Variants in SMURF2 observed in about 807,000 individuals in gnomAD.
The protein encoded by SMURF2 is SMAD specific E3 ubiquitin protein ligase 2.
SMURF2 carries 48 observed loss-of-function variants against 109.6 expected under a neutral mutation model. That is an observed-to-expected ratio of 0.44 (90% CI 0.35 to 0.56). The LOEUF (loss-of-function observed/expected upper bound fraction) is 0.56. Ranked by LOEUF, SMURF2 falls within the 20% of genes least tolerant of loss-of-function variation. The probability of loss-of-function intolerance (pLI) is 0.01; values close to 1 mark genes in which losing one functional copy is unlikely to be tolerated. For missense variants in SMURF2, 575 were observed against 909.0 expected (o/e 0.63, Z 4.72); for synonymous variants, 288 against 317.1 (o/e 0.91, Z 0.97).
intron 13 of SMURF2, among the ~76,000 whole-genome samples, chr17:64,556,270 G>A (rs563756627): frequency 1.6e-4 from 25 of 152,024 alleles, no homozygotes; most frequent in South Asian, 4.2e-4. Flanking sequence ...CTATGGTCCC[G>A]GAGCTTCATT....
At chr17:64,585,964 GGAAAATCTACATTC>G (rs1555687028) in intron 6 of SMURF2, 108 bp downstream of exon 6, 1 of 519,214 alleles carries the variant, frequency 1.9e-6, no homozygotes, top group Non-Finnish European at 3.1e-6. Flanking sequence ...ACAATTAGAA[GGAAAATCTACATTC>G]AATATACGAT....
At chr17:64,649,617 G>A (rs924191087) in intron 1 of SMURF2, among the ~76,000 whole-genome samples, 4 of 148,958 alleles carry the variant, frequency 2.7e-5, no homozygotes, top group South Asian at 2.1e-4. Flanking sequence ...TGCAACGGGC[G>A]TATCACTTAA....
chr17:64,584,675 C>T (rs140457334), intron 6 of SMURF2, among the ~76,000 whole-genome samples: 2 of 152,190 alleles, frequency 1.3e-5, no homozygotes, highest in African/African-American at 4.8e-5. Flanking sequence ...TACTTTCTAT[C>T]AACTCTTTAC....
chr17:64,615,298 T>C (rs1264794185), intron 1 of SMURF2, among the ~76,000 whole-genome samples: 1 of 152,168 alleles, frequency 6.6e-6, no homozygotes, highest in African/African-American at 2.4e-5. Flanking sequence ...CCCATCTTCC[T>C]TCACCCCACA....
chr17:64,574,756 C>T (rs538022354), intron 9 of SMURF2, among the ~76,000 whole-genome samples: 88 of 152,116 alleles, frequency 5.8e-4, no homozygotes, highest in Non-Finnish European at 1.1e-3. Context: ...CTTAAAGCTT[C>T]GCAGAAATCC....
At chr17:64,595,156 A>C (rs1969801020) in intron 3 of SMURF2, among the ~76,000 whole-genome samples, 1 of 152,210 alleles carries the variant, frequency 6.6e-6, no homozygotes, top group Non-Finnish European at 1.5e-5. Flanking sequence ...TTTTATGTGT[A>C]CCATGATATG....
chr17:64,580,657 G>A (rs1231380377), intron 8 of SMURF2, 132 bp downstream of exon 8: 1 of 884,814 alleles, frequency 1.1e-6, no homozygotes, highest in East Asian at 2.6e-5. Context: ...TCAAAGTTGG[G>A]AGGTTTTATA....
chr17:64,601,037 C>A (rs1969887856), intron 2 of SMURF2, among the ~76,000 whole-genome samples: 1 of 151,890 alleles, frequency 6.6e-6, no homozygotes, highest in South Asian at 2.1e-4. Flanking sequence ...TCACTTGAGC[C>A]CAGGAGTTTG....
At chr17:64,622,922 C>A (rs1335211417) in intron 1 of SMURF2, among the ~76,000 whole-genome samples, 1 of 152,160 alleles carries the variant, frequency 6.6e-6, no homozygotes, top group Non-Finnish European at 1.5e-5. Flanking sequence ...CCTATCTAAT[C>A]ATTTATATCA....
intron 7 of SMURF2, among the ~76,000 whole-genome samples, chr17:64,582,659 C>T (rs992131576): frequency 2.6e-5 from 4 of 152,274 alleles, no homozygotes; most frequent in South Asian, 4.1e-4. Flanking sequence ...AGTGCAGTGG[C>T]GCAATCTCGG....
rs145816722 is a variant in SMURF2 at position 64,603,578 on chromosome 17, C to CAG, written c.91+3023_91+3024insCT. On this transcript the variant is annotated intron_variant, in intron 2 of 18. Coordinates refer to ENST00000262435, the MANE Select transcript of SMURF2 (RefSeq NM_022739.4). ...GCCGGGGGACAGAGCAAGACTCCGT[C>CAG]GGGGGAAAAAAAAAAAAAAAAACAT... 8.6e-3 allele frequency among the ~76,000 whole-genome samples: 1,033 copies of CAG among 120,704 alleles called. 8 individuals carry two copies. Among genetic ancestry groups the CAG allele is most frequent in the African/African-American group, 0.029 (988 of 33,546 alleles). 79.2% of individuals were successfully genotyped at this position (120,704 alleles called of 152,430 possible). A position where few individuals can be genotyped will look rare whatever the true frequency, so the allele number is the denominator to read the frequency against.
chr17:64,652,057 T>C (rs552568715), intron 1 of SMURF2, among the ~76,000 whole-genome samples: 1 of 152,352 alleles, frequency 6.6e-6, no homozygotes. Context: ...ACATGACTGA[T>C]AGCTGGTAAA....
At chr17:64,660,772 CA>C (rs1459470032) in intron 1 of SMURF2, 1 of 152,166 alleles carries the variant, frequency 6.6e-6, no homozygotes, top group Non-Finnish European at 1.5e-5. Flanking sequence ...GACAATTTAT[CA>C]GGGGTAAATG....
chr17:64,545,729 AAAAAG>A lies in SMURF2; in HGVS notation c.*114_*118del. 4.3e-4 allele frequency: 98 copies of A among 227,796 alleles called. No homozygotes were observed. Among genetic ancestry groups the A allele is most frequent in the South Asian group, 9.4e-4 (11 of 11,722 alleles). The allele number at this position is 227,796 out of a possible 1,614,324, so 14.1% of individuals were successfully genotyped here. A position where few individuals can be genotyped will look rare whatever the true frequency, so the allele number is the denominator to read the frequency against. On this transcript the variant is annotated 3_prime_UTR_variant, in exon 19 of 19. Coordinates refer to ENST00000262435, the MANE Select transcript of SMURF2 (RefSeq NM_022739.4). Reference sequence around the variant, plus strand: ...TGTCCTAAAATGTAAAAAAAAAAAAAAAAAGGGGGGGGGGGGGAGTGTTTTCCTGT... The same window carrying A: ...TGTCCTAAAATGTAAAAAAAAAAAAAGGGGGGGGGGGGAGTGTTTTCCTGT...
intron 9 of SMURF2, among the ~76,000 whole-genome samples, chr17:64,577,941 CT>C (rs1157721982): frequency 2.5e-3 from 305 of 121,210 alleles, no homozygotes; most frequent in African/African-American, 5.2e-3. Context: ...TTTCATTCCA[CT>C]TTTTTTTTTT....
At position 64,606,294 on chromosome 17, in the gene SMURF2, T is replaced by C. The variant is rs575608348; in HGVS notation, c.91+308A>G. Among the ~76,000 whole-genome samples the C allele has an allele frequency of 1.4e-4, 21 of 152,296 alleles. 1 individual carries two copies. In the South Asian group the frequency reaches 2.3e-3, roughly 17 times the overall value. ...TGTTCACAAAATAATCTCTTAAACCTTTTCTAGAACTCTAGTAGTATGCAC... is the reference window on the plus strand; with the variant it reads ...TGTTCACAAAATAATCTCTTAAACCCTTTCTAGAACTCTAGTAGTATGCAC... On this transcript the variant is annotated intron_variant, in intron 2 of 18. Coordinates refer to ENST00000262435, the MANE Select transcript of SMURF2 (RefSeq NM_022739.4).
chr17:64,634,620 T>C (rs1235306171), intron 1 of SMURF2, among the ~76,000 whole-genome samples: 1 of 152,206 alleles, frequency 6.6e-6, no homozygotes, highest in Non-Finnish European at 1.5e-5. Flanking sequence ...CCACCTTCCA[T>C]TTCCCTGAAG....
At chr17:64,555,527 C>T (rs1339730611) in intron 14 of SMURF2, among the ~76,000 whole-genome samples, 4 of 152,132 alleles carry the variant, frequency 2.6e-5, no homozygotes, top group African/African-American at 7.2e-5. Context: ...TTCTAACACA[C>T]GCAGGTTTGG....
At chr17:64,627,935 T>G (rs1242794877) in intron 1 of SMURF2, among the ~76,000 whole-genome samples, 2 of 152,232 alleles carry the variant, frequency 1.3e-5, no homozygotes, top group Non-Finnish European at 2.9e-5. Context: ...TTAGGCTTCC[T>G]GCTTGGCAAT....
Sources: gnomAD v4.1 joint callset for allele counts (sites outside exome capture counted in the v4.1 genomes callset) on GRCh38, gnomAD v4.1.1 for gene constraint, MANE v1.5 for transcripts, NCBI Gene and HGNC (gene_info 2026-07-23, HGNC 2026-07-21) for gene names.